The following SEMA3C variants were observed in gnomAD, a reference collection of about 807,000 sequenced individuals.
SEMA3C encodes semaphorin 3C.
In SEMA3C, 47 loss-of-function variants were observed where a neutral mutation model predicts 89.4. The ratio of observed to expected loss-of-function variants is 0.53; its 90% CI spans 0.42 to 0.67. The LOEUF (loss-of-function observed/expected upper bound fraction) is 0.67, where lower values mean the gene tolerates loss of function less well. Among genes scored for constraint, SEMA3C ranks in the 30% least tolerant of loss-of-function variants. The probability of loss-of-function intolerance (pLI) is 0.00; values close to 1 mark genes in which losing one functional copy is unlikely to be tolerated. For missense variants in SEMA3C, 839 were observed against 929.1 expected (o/e 0.90, Z 1.26); for synonymous variants, 310 against 320.2 (o/e 0.97, Z 0.34).
Position 80,913,603 on chromosome 7 carries a change from C to A in SEMA3C, c.103+3076G>T, listed in dbSNP as rs559614891. Reference sequence around the variant, plus strand: ...CTTATACTAAAAGCATTTGTGTGAACCTTATATTCACTTGCAAAGCTATTT... The same window carrying A: ...CTTATACTAAAAGCATTTGTGTGAAACTTATATTCACTTGCAAAGCTATTT... On this transcript the variant is annotated intron_variant, in intron 2 of 17. Coordinates refer to ENST00000265361, the MANE Select transcript of SEMA3C (RefSeq NM_006379.5). 1.3e-3 allele frequency among the ~76,000 whole-genome samples: 194 copies of A among 152,232 alleles called. 1 individual carries two copies. Among genetic ancestry groups the A allele is most frequent in the Admixed American group, 5.2e-3 (79 of 15,294 alleles).
intron 12 of SEMA3C, among the ~76,000 whole-genome samples, chr7:80,775,295 G>C (rs1454923146): frequency 6.6e-6 from 1 of 152,000 alleles, no homozygotes; most frequent in Non-Finnish European, 1.5e-5. Context: ...AGTGCCAACT[G>C]GTTTGTAGGT....
At chr7:80,771,564 T>C (rs1010858684) in intron 12 of SEMA3C, among the ~76,000 whole-genome samples, 15 of 152,188 alleles carry the variant, frequency 9.9e-5, no homozygotes, top group African/African-American at 3.4e-4. Flanking sequence ...AGAAATCAGC[T>C]TGCATTTATA....
intron 2 of SEMA3C, among the ~76,000 whole-genome samples, chr7:80,895,716 T>C (rs970129707): frequency 6.6e-6 from 1 of 152,124 alleles, no homozygotes; most frequent in Non-Finnish European, 1.5e-5. Flanking sequence ...ATTATGAGCT[T>C]TATAATGAGG....
At chr7:80,839,222 T>G (rs962296482) in intron 2 of SEMA3C, among the ~76,000 whole-genome samples, 1 of 152,178 alleles carries the variant, frequency 6.6e-6, no homozygotes, top group African/African-American at 2.4e-5. Flanking sequence ...ATCAATGATA[T>G]TCATACTTCT....
chr7:80,900,132 G>C (rs1354386225), intron 2 of SEMA3C, among the ~76,000 whole-genome samples: 1 of 141,106 alleles, frequency 7.1e-6, no homozygotes, highest in African/African-American at 2.6e-5. Context: ...TTTTTTCTTT[G>C]AGACGGAGTC....
At chr7:80,759,141 A>G (rs543792015) in intron 14 of SEMA3C, among the ~76,000 whole-genome samples, 1 of 152,196 alleles carries the variant, frequency 6.6e-6, no homozygotes, top group African/African-American at 2.4e-5. Context: ...ATCCTCCTTC[A>G]ATTGTAGGAT....
intron 5 of SEMA3C, among the ~76,000 whole-genome samples, chr7:80,816,721 T>C (rs138129994): frequency 9.3e-4 from 142 of 152,332 alleles, no homozygotes; most frequent in African/African-American, 2.7e-3. Context: ...TGTTCACGTA[T>C]TATTTCAGAG....
At chr7:80,756,645 T>C (rs532300215) in intron 15 of SEMA3C, among the ~76,000 whole-genome samples, 5 of 152,340 alleles carry the variant, frequency 3.3e-5, no homozygotes, top group Admixed American at 2.0e-4. Flanking sequence ...CCTTTTCTCA[T>C]TTCAGGGCAG....
rs36066966 is a variant in SEMA3C at position 80,827,392 on chromosome 7, GTTTTTTTT to G, written c.327+25_327+32del. 1.0e-4 allele frequency: 125 copies of G among 1,234,238 alleles called. No homozygotes were observed. In the African/African-American group the frequency reaches 1.2e-3, roughly 12 times the overall value. The allele number at this position is 1,234,238 out of a possible 1,614,324, so 76.5% of individuals were successfully genotyped here. On this transcript the variant is annotated intron_variant, in intron 4 of 17. Transcript: ENST00000265361. ...TCGAAAACCAAATATTTAAGTTAGT[GTTTTTTTT>G]TTTTTTTTTTTTTTTAACACTTACT...
chr7:80,858,998 T>C (rs1201048241), intron 2 of SEMA3C, among the ~76,000 whole-genome samples: 1 of 152,156 alleles, frequency 6.6e-6, no homozygotes, highest in Non-Finnish European at 1.5e-5. Flanking sequence ...TTTTCAACTT[T>C]TCAGGCTTTT....
At chr7:80,813,837 A>T in intron 5 of SEMA3C, among the ~76,000 whole-genome samples, 1 of 152,178 alleles carries the variant, frequency 6.6e-6, no homozygotes, top group Non-Finnish European at 1.5e-5. Flanking sequence ...TTGTCATTTT[A>T]TTTTCAATCC....
chr7:80,850,133 A>T (rs988867294), intron 2 of SEMA3C, among the ~76,000 whole-genome samples: 1 of 152,188 alleles, frequency 6.6e-6, no homozygotes, highest in Non-Finnish European at 1.5e-5. Flanking sequence ...ATGGTAAAAA[A>T]GAAAGCTGTT....
chr7:80,833,230 C>T (rs1332122324), intron 2 of SEMA3C, among the ~76,000 whole-genome samples: 2 of 150,722 alleles, frequency 1.3e-5, no homozygotes, highest in Non-Finnish European at 3.0e-5. Flanking sequence ...GTCAGGAGAT[C>T]GAGACTACAC....
At chr7:80,825,556 G>A (rs1437205037) in intron 4 of SEMA3C, among the ~76,000 whole-genome samples, 1 of 152,132 alleles carries the variant, frequency 6.6e-6, no homozygotes, top group Non-Finnish European at 1.5e-5. Flanking sequence ...CTTTGACAAA[G>A]GAAGTAAGAA....
chr7:80,813,003 C>T (rs1320578771), intron 5 of SEMA3C, among the ~76,000 whole-genome samples: 5 of 142,456 alleles, frequency 3.5e-5, no homozygotes, highest in Middle Eastern at 3.5e-3. Flanking sequence ...ACGGGGCTTT[C>T]GCCATGTTCC....
chr7:80,852,186 G>A (rs933624181), intron 2 of SEMA3C, among the ~76,000 whole-genome samples: 1 of 152,110 alleles, frequency 6.6e-6, no homozygotes, highest in Non-Finnish European at 1.5e-5. Context: ...TATCCCCTCA[G>A]TAGGTATCTG....
chr7:80,779,431 A>T (rs926672123), intron 12 of SEMA3C, among the ~76,000 whole-genome samples: 16 of 152,300 alleles, frequency 1.1e-4, no homozygotes, highest in African/African-American at 3.6e-4. Context: ...CCCATTTGCC[A>T]AGTCATATAT....
intron 11 of SEMA3C, among the ~76,000 whole-genome samples, chr7:80,789,889 G>T (rs1375155158): frequency 6.6e-6 from 1 of 152,088 alleles, no homozygotes; most frequent in Non-Finnish European, 1.5e-5. Flanking sequence ...ATCTAATGCT[G>T]CCACTTGTTA....
At chr7:80,833,675 C>T (rs1790061483) in intron 2 of SEMA3C, among the ~76,000 whole-genome samples, 1 of 151,872 alleles carries the variant, frequency 6.6e-6, no homozygotes, top group African/African-American at 2.4e-5. Context: ...CAGAAGTGCC[C>T]TTGTTGTAAA....
Sources: gnomAD v4.1 joint callset for allele counts (sites outside exome capture counted in the v4.1 genomes callset) on GRCh38, gnomAD v4.1.1 for gene constraint, MANE v1.5 for transcripts, NCBI Gene and HGNC (gene_info 2026-07-23, HGNC 2026-07-21) for gene names.